RRAGD: variants seen among roughly 807,000 people sequenced by gnomAD.
RRAGD encodes ras-related GTP-binding protein D.
A neutral mutation model predicts 35.5 loss-of-function variants in RRAGD; 12 were observed. That is an observed-to-expected ratio of 0.34 (90% CI 0.22 to 0.55). The LOEUF (loss-of-function observed/expected upper bound fraction) is 0.55. RRAGD is among the 20% of genes least tolerant of loss of function. RRAGD has a pLI of 0.91. For synonymous variants in RRAGD, 155 were observed against 178.9 expected, an observed-to-expected ratio of 0.87 and a Z score of 1.07; for missense variants, 324 against 490.1, an observed-to-expected ratio of 0.66 and a Z score of 3.20.
At chr6:89,377,437 C>T (rs900150132) in intron 5 of RRAGD, among the ~76,000 whole-genome samples, 6 of 151,982 alleles carry the variant, frequency 3.9e-5, no homozygotes, top group African/African-American at 1.5e-4. Flanking sequence ...ACAGGGACAC[C>T]CTATTGCTAA....
intron 1 of RRAGD, among the ~76,000 whole-genome samples, chr6:89,393,981 T>C (rs1000857370): frequency 1.3e-5 from 2 of 152,140 alleles, no homozygotes; most frequent in African/African-American, 4.8e-5. Flanking sequence ...AGTCAAAGTC[T>C]CTCAAGATGC....
chr6:89,380,187 A>G lies in RRAGD; in HGVS notation c.625T>C (p.Leu209=). Residue 209 remains leucine (L), a synonymous_variant, in exon 3 of 7, where the codon TTA becomes CTA. Coordinates refer to ENST00000369415, the MANE Select transcript of RRAGD (RefSeq NM_021244.5). ...TCTCACCTGAGGTGAATTTTTTCTA[A>G]TCCAGCATCTGCAAGGTCATCGTTT... ...RANDDLADAG[L]EKIHLSFYLT... is the part of the protein sequence containing the mutation. 1 of 1,614,186 alleles carries G rather than the reference A, an allele frequency of 6.2e-7. No homozygotes were observed. The highest frequency in any genetic ancestry group is 8.5e-7 in the Non-Finnish European group (1 of 1,180,018).
intron 6 of RRAGD, among the ~76,000 whole-genome samples, chr6:89,371,698 G>A (rs1215694383): frequency 6.6e-6 from 1 of 152,042 alleles, no homozygotes; most frequent in East Asian, 1.9e-4. Flanking sequence ...ACTATTTGTT[G>A]GAGATTTTCT....
At chr6:89,410,349 CATCCCTA>C (rs1457603154) in intron 1 of RRAGD, among the ~76,000 whole-genome samples, 1 of 152,314 alleles carries the variant, frequency 6.6e-6, no homozygotes, top group Non-Finnish European at 1.5e-5. Context: ...CTTGCAAATA[CATCCCTA>C]TTCTGCATCT....
chr6:89,403,380 G>A (rs1428239137), intron 1 of RRAGD, among the ~76,000 whole-genome samples: 1 of 151,942 alleles, frequency 6.6e-6, no homozygotes, highest in Admixed American at 6.6e-5. Context: ...AGGAGGCGGA[G>A]CTTGCAGTGA....
intron 1 of RRAGD, among the ~76,000 whole-genome samples, chr6:89,388,286 C>T (rs1313501893): frequency 6.6e-6 from 1 of 152,094 alleles, no homozygotes; most frequent in Non-Finnish European, 1.5e-5. Context: ...TATGATGTTT[C>T]TAGAGAAGCC....
chr6:89,400,817 C>A (rs185114795), intron 1 of RRAGD, among the ~76,000 whole-genome samples: 1 of 152,074 alleles, frequency 6.6e-6, no homozygotes, highest in Admixed American at 6.5e-5. Context: ...TGACAGCCCC[C>A]CTAAAAGGAG....
intron 1 of RRAGD, among the ~76,000 whole-genome samples, chr6:89,389,573 A>AG (rs1462773012): frequency 5.9e-5 from 9 of 151,766 alleles, no homozygotes; most frequent in Non-Finnish European, 1.3e-4. Context: ...AAAAAAAAAA[A>AG]AAAGAAGTTG....
At chr6:89,377,868 C>T (rs1324451032) in intron 4 of RRAGD, 55 bp from the exon 5 acceptor site, 9 of 1,324,044 alleles carry the variant, frequency 6.8e-6, no homozygotes, top group Middle Eastern at 4.0e-4. Flanking sequence ...CAGACCATGT[C>T]ATGACTACAC....
At chr6:89,395,643 T>G (rs1769318979) in intron 1 of RRAGD, among the ~76,000 whole-genome samples, 1 of 152,230 alleles carries the variant, frequency 6.6e-6, no homozygotes, top group Admixed American at 6.5e-5. Flanking sequence ...CATTTTCTCT[T>G]TCAGTTGTGC....
chr6:89,404,800 T>G (rs1201830540), intron 1 of RRAGD, among the ~76,000 whole-genome samples: 3 of 152,110 alleles, frequency 2.0e-5, no homozygotes, highest in South Asian at 4.1e-4. Context: ...ATCTGAGGGT[T>G]AGGAATGCTT....
At position 89,378,171 on chromosome 6, in the gene RRAGD, G is replaced by A. The variant is rs187669016; in HGVS notation, c.760-358C>T. Among the ~76,000 whole-genome samples the A allele has an allele frequency of 1.9e-3, 286 of 152,110 alleles. 2 individuals carry two copies. The highest frequency in any genetic ancestry group is 3.2e-3 in the Non-Finnish European group (219 of 67,976). On this transcript the variant is annotated intron_variant, in intron 4 of 6. Coordinates refer to ENST00000369415, the MANE Select transcript of RRAGD (RefSeq NM_021244.5). The stretch of plus-strand genomic sequence containing the variant: ...TACAAAATTAGCCAGGCGTGGTGGT[G>A]CATGCCTGTAATCCCAGCTACTCGG...
rs1437346072 is a variant in RRAGD at position 89,366,008 on chromosome 6, G to A, written c.*2048C>T. On this transcript the variant is annotated 3_prime_UTR_variant, in exon 7 of 7. Transcript: ENST00000369415. ...AACAGGATATAGCTCTGGAAATCAG[G>A]GAGCCCTGGGCTCCTAACCATCCAG... is the stretch of plus-strand genomic sequence containing the variant. 6.6e-6 allele frequency: 1 copy of A among 152,172 alleles called. No individual in the cohort carries two copies. The highest frequency in any genetic ancestry group is 1.9e-4 in the East Asian group (1 of 5,194). 9.4% of individuals were successfully genotyped at this position (152,172 alleles called of 1,614,324 possible). A position where few individuals can be genotyped will look rare whatever the true frequency, so the allele number is the denominator to read the frequency against.
chr6:89,397,208 C>T (rs1173404026), intron 1 of RRAGD, among the ~76,000 whole-genome samples: 1 of 151,628 alleles, frequency 6.6e-6, no homozygotes, highest in South Asian at 2.1e-4. Context: ...ACTAAGACAG[C>T]TAAAATTAGG....
At chr6:89,407,233 A>G (rs1400427177) in intron 1 of RRAGD, among the ~76,000 whole-genome samples, 1 of 152,196 alleles carries the variant, frequency 6.6e-6, no homozygotes, top group African/African-American at 2.4e-5. Context: ...TCACAGCAGA[A>G]CCAGGAAAGG....
intron 1 of RRAGD, among the ~76,000 whole-genome samples, chr6:89,409,494 T>G (rs749645774): frequency 6.6e-6 from 1 of 152,242 alleles, no homozygotes. Context: ...TTTCCCTACA[T>G]TCTATTTCTT....
In RRAGD at chr6:89,411,326, G is replaced by A. The variant is rs1035292791; in HGVS notation, c.148+520C>T. ...CCCCGCCGCCCCGCGGGTCTCCCCAGCCACTACCTGGGTGGGCCCCTCCCG... is the reference window on the plus strand; with the variant it reads ...CCCCGCCGCCCCGCGGGTCTCCCCAACCACTACCTGGGTGGGCCCCTCCCG... On this transcript the variant is annotated intron_variant, in intron 1 of 6. Coordinates refer to ENST00000369415, the MANE Select transcript of RRAGD (RefSeq NM_021244.5). The surrounding 1 kb of genome is among the most constrained non-coding windows in gnomAD (Gnocchi z 5.6). 6.6e-6 allele frequency: 1 copy of A among 152,476 alleles called. No homozygotes were observed. Among genetic ancestry groups the A allele is most frequent in the Non-Finnish European group, 1.5e-5 (1 of 68,198 alleles). 9.4% of individuals were successfully genotyped at this position (152,476 alleles called of 1,614,324 possible). A position where few individuals can be genotyped will look rare whatever the true frequency, so the allele number is the denominator to read the frequency against.
Position 89,380,380 on chromosome 6 carries a change from G to C in RRAGD, c.445-13C>G. On this transcript the variant is annotated splice_polypyrimidine_tract_variant and intron_variant, in intron 2 of 6. Transcript: ENST00000369415. ...CCATGTAATCATCCTAGGACCAAAG[G>C]CAACGCCTGTGAGAGAAGGCCGCTT... 1 of 1,612,150 alleles carries C rather than the reference G, an allele frequency of 6.2e-7. No homozygotes were observed. Among genetic ancestry groups the C allele is most frequent in the South Asian group, 1.1e-5 (1 of 90,980 alleles).
At chr6:89,394,240 A>G (rs1769290464) in intron 1 of RRAGD, among the ~76,000 whole-genome samples, 1 of 152,166 alleles carries the variant, frequency 6.6e-6, no homozygotes, top group South Asian at 2.1e-4. Context: ...CTAAAAAAAA[A>G]AATCATAGTG....
Sources: allele counts gnomAD v4.1 joint callset (sites outside exome capture counted in the v4.1 genomes callset), GRCh38; gene constraint gnomAD v4.1.1; non-coding constraint Gnocchi (gnomAD v3.1); transcripts MANE v1.5; gene names NCBI Gene and HGNC (gene_info 2026-07-23, HGNC 2026-07-21).